Variants in DNAJA4 observed in about 807,000 individuals in gnomAD.
DNAJA4 encodes DnaJ heat shock protein family (Hsp40) member A4, also known as dnaJ homolog subfamily A member 4.
In DNAJA4, 32 loss-of-function variants were observed where a neutral mutation model predicts 39.7. The ratio of observed to expected loss-of-function variants is 0.81; its 90% confidence interval spans 0.61 to 1.08. The LOEUF is 1.08. Ranked by LOEUF, DNAJA4 falls within the 50% of genes least tolerant of loss-of-function variation. The pLI is 0.00. For missense variants in DNAJA4, 439 were observed against 505.1 expected, an observed-to-expected ratio of 0.87 and a Z score of 1.25; for synonymous variants, 184 against 182.4, an observed-to-expected ratio of 1.01 and a Z score of -0.07.
chr15:78,267,017 G>A (rs367772363), intron 1 of DNAJA4, among the ~76,000 whole-genome samples: 61 of 152,228 alleles, frequency 4.0e-4, no homozygotes, highest in African/African-American at 1.4e-3. Flanking sequence ...TTATAGAAAC[G>A]GCTGTAGAGT....
chr15:78,264,280 C>T, upstream of DNAJA4: 2 of 1,355,258 alleles, frequency 1.5e-6, no homozygotes, highest in Non-Finnish European at 1.9e-6. Context: ...GGAGGGCGCC[C>T]TCCAGGCCCA....
intron 2 of DNAJA4, among the ~76,000 whole-genome samples, chr15:78,272,818 C>T (rs769094322): frequency 2.0e-5 from 3 of 152,156 alleles, no homozygotes; most frequent in Non-Finnish European, 2.9e-5. Flanking sequence ...CAGATTTGTT[C>T]TCAGAAAATA....
chr15:78,278,537 G>T (rs1229958729), intron 5 of DNAJA4, among the ~76,000 whole-genome samples: 1 of 152,212 alleles, frequency 6.6e-6, no homozygotes, highest in African/African-American at 2.4e-5. Context: ...GTTGTAGTAC[G>T]ATGCTGAGTA....
At chr15:78,280,182 T>C (rs780201667) in intron 6 of DNAJA4, 37 bp downstream of exon 6, 2 of 1,611,400 alleles carry the variant, frequency 1.2e-6, no homozygotes, top group Non-Finnish European at 1.7e-6. Flanking sequence ...GGACATATTA[T>C]TAAATGCCTT....
Position 78,281,859 on chromosome 15 carries a change from C to T in DNAJA4, c.*1399C>T, listed in dbSNP as rs1287011524. 1 of 152,180 alleles carries T rather than the reference C, an allele frequency of 6.6e-6. No homozygotes were observed. The highest frequency in any genetic ancestry group is 1.5e-5 in the Non-Finnish European group (1 of 68,044). The allele number at this position is 152,180 out of a possible 1,614,324, so 9.4% of individuals were successfully genotyped here. ...ACCAGCTGCACGGACCAGGTTCCCGCAAAACATTGCCAGCTAGTGAGGCAT... is the reference window on the plus strand; with the variant it reads ...ACCAGCTGCACGGACCAGGTTCCCGTAAAACATTGCCAGCTAGTGAGGCAT... On this transcript the variant is annotated 3_prime_UTR_variant, in exon 7 of 7. Transcript: ENST00000394852.
At chr15:78,276,351 T>A (rs937294604) in intron 5 of DNAJA4, among the ~76,000 whole-genome samples, 3 of 152,216 alleles carry the variant, frequency 2.0e-5, no homozygotes, top group African/African-American at 7.2e-5. Context: ...ATTGCTGGTC[T>A]GCACACACCC....
intron 2 of DNAJA4, among the ~76,000 whole-genome samples, 184 bp from the exon 3 acceptor site, chr15:78,272,911 G>T (rs1181553469): frequency 6.6e-6 from 1 of 152,204 alleles, no homozygotes; most frequent in Non-Finnish European, 1.5e-5. Context: ...TCTTGTTATT[G>T]GCTGAGGGCC....
Position 78,274,200 on chromosome 15 carries a change from T to C in DNAJA4, c.422T>C (p.Val141Ala). Residue 141 changes from valine (V) to alanine (A), a missense_variant, in exon 4 of 7, where the codon GTT (valine) becomes GCT (alanine). Val to Ala is a moderately conservative substitution (Grantham distance 64, BLOSUM62 0). Coordinates refer to ENST00000394852, the MANE Select transcript of DNAJA4 (RefSeq NM_001130182.2). ...KNVICEKCEG[V>A]GGKKGSVEKC... ...CCTGCCTCCCCTGACCCTGCAGGTGTTGGTGGGAAGAAGGGATCGGTGGAG... is the reference window on the plus strand; with the variant it reads ...CCTGCCTCCCCTGACCCTGCAGGTGCTGGTGGGAAGAAGGGATCGGTGGAG... 1.2e-6 allele frequency: 2 copies of C among 1,613,040 alleles called. No homozygotes were observed. The highest frequency in any genetic ancestry group is 1.7e-6 in the Non-Finnish European group (2 of 1,179,304).
chr15:78,275,434 A>G lies in DNAJA4; in HGVS notation c.647-64A>G, dbSNP rs1249687896. On this transcript the variant is annotated intron_variant, in intron 4 of 6. Coordinates refer to ENST00000394852, the MANE Select transcript of DNAJA4 (RefSeq NM_001130182.2). Reference sequence around the variant, plus strand: ...CCTGAAGGACTCTGTTCCTTCTTCAAAAGCTTTAAGGAAGCATGGTTTGTA... The same window carrying G: ...CCTGAAGGACTCTGTTCCTTCTTCAGAAGCTTTAAGGAAGCATGGTTTGTA... The G allele has an allele frequency of 2.9e-6, 4 of 1,372,900 alleles. No homozygotes were observed. In the South Asian group the frequency reaches 3.7e-5, roughly 13 times the overall value. The allele number at this position is 1,372,900 out of a possible 1,614,324, so 85.0% of individuals were successfully genotyped here.
intron 3 of DNAJA4, 69 bp from the exon 4 acceptor site, chr15:78,274,128 A>T: frequency 6.7e-7 from 1 of 1,483,824 alleles, no homozygotes; most frequent in Non-Finnish European, 9.2e-7. Flanking sequence ...CCCTTCTGCC[A>T]TGGCGCCCAG....
intron 2 of DNAJA4, among the ~76,000 whole-genome samples, chr15:78,272,292 G>T (rs1056753529): frequency 7.2e-5 from 11 of 152,110 alleles, no homozygotes; most frequent in Non-Finnish European, 1.6e-4. Flanking sequence ...AGCCAAGATC[G>T]CACCACTGCA....
rs765623535 is a variant in DNAJA4, at chr15:78,274,539, G to A, written c.646+115G>A. On this transcript the variant is annotated intron_variant, in intron 4 of 6. Transcript: ENST00000394852. Reference sequence around the variant, plus strand: ...TGAGCTGTATCACAACATGTATTGGGTGTGCCATGAATTCCTCTTGTTTCC... The same window carrying A: ...TGAGCTGTATCACAACATGTATTGGATGTGCCATGAATTCCTCTTGTTTCC... 10 of 888,808 alleles carry A rather than the reference G, an allele frequency of 1.1e-5. No individual in the cohort carries two copies. In the African/African-American group the frequency reaches 1.2e-4, roughly 10 times the overall value. The allele number at this position is 888,808 out of a possible 1,614,324, so 55.1% of individuals were successfully genotyped here. A position where few individuals can be genotyped will look rare whatever the true frequency, so the allele number is the denominator to read the frequency against.
rs753575746 is a variant in DNAJA4, at chr15:78,280,332, A to G, written c.1066A>G (p.Thr356Ala). ...CCCTCCTCGACAGAAAGTGAGGATT[A>G]CAGATGACATGGATCAGGTGGAGCT... Reference protein sequence around the residue: ...LLPPRQKVRITDDMDQVELKE... With the variant: ...LLPPRQKVRIADDMDQVELKE... The change falls in exon 7 of 7, where the codon ACA becomes GCA. Residue 356 changes from threonine (T) to alanine (A), a missense_variant. Thr to Ala is a moderately conservative substitution (Grantham distance 58, BLOSUM62 0). Coordinates refer to ENST00000394852, the MANE Select transcript of DNAJA4 (RefSeq NM_001130182.2). 6.2e-7 allele frequency: 1 copy of G among 1,614,242 alleles called. No homozygotes were observed. Among genetic ancestry groups the G allele is most frequent in the Admixed American group, 1.7e-5 (1 of 60,036 alleles).
intron 1 of DNAJA4, 99 bp downstream of exon 1, chr15:78,264,994 G>T (rs2049081395): frequency 4.4e-6 from 6 of 1,350,014 alleles, no homozygotes; most frequent in Non-Finnish European, 5.9e-6. Context: ...CGCGTTTGTT[G>T]GGGAGGCTGT....
chr15:78,279,821 T>C lies in DNAJA4; in HGVS notation c.878-224T>C. 1.7e-6 allele frequency: 1 copy of C among 590,074 alleles called. No individual in the cohort carries two copies. Among genetic ancestry groups the C allele is most frequent in the South Asian group, 2.0e-5 (1 of 49,232 alleles). The allele number at this position is 590,074 out of a possible 1,614,324, so 36.6% of individuals were successfully genotyped here. On this transcript the variant is annotated intron_variant, in intron 5 of 6. Coordinates refer to ENST00000394852, the MANE Select transcript of DNAJA4 (RefSeq NM_001130182.2). This position sits in a 1 kb window ranked among gnomAD's most constrained non-coding sequence, Gnocchi z 4.5. ...GCACCATGCTGCCCTCTTGACACAC[T>C]GCTGGAGCCCAGAGCACAGGCCAGA...
At chr15:78,275,756 A>G (rs1346876437) in intron 5 of DNAJA4, 28 bp downstream of exon 5, 4 of 1,476,718 alleles carry the variant, frequency 2.7e-6, no homozygotes, top group African/African-American at 1.4e-5. Context: ...GTTTCCATTG[A>G]TGTTCTGTAT....
In DNAJA4 at chr15:78,280,722, T is replaced by C; in HGVS notation, c.*262T>C. 1 of 376,692 alleles carries C rather than the reference T, an allele frequency of 2.7e-6. No individual in the cohort carries two copies. Among genetic ancestry groups the C allele is most frequent in the South Asian group, 4.4e-5 (1 of 22,746 alleles). The allele number at this position is 376,692 out of a possible 1,614,324, so 23.3% of individuals were successfully genotyped here. ...TCATTTCTATTTTCAGGATATACTTTTGAGATGTCAGTGATTGCACCAATA... is the reference window on the plus strand; with the variant it reads ...TCATTTCTATTTTCAGGATATACTTCTGAGATGTCAGTGATTGCACCAATA... On this transcript the variant is annotated 3_prime_UTR_variant, in exon 7 of 7. Coordinates refer to ENST00000394852, the MANE Select transcript of DNAJA4 (RefSeq NM_001130182.2).
At chr15:78,264,255 G>A (rs1393707946), upstream of DNAJA4, 3 of 1,202,032 alleles carry the variant, frequency 2.5e-6, no homozygotes, top group Non-Finnish European at 2.2e-6. Flanking sequence ...GCCTCGGGGC[G>A]GCGGGACAGT....
In DNAJA4 at chr15:78,280,117, A is replaced by T; in HGVS notation, c.950A>T (p.Glu317Val). The change falls in exon 6 of 7, where the codon GAA becomes GTA. Residue 317 changes from glutamate to valine, a missense_variant. Coordinates refer to ENST00000394852, the MANE Select transcript of DNAJA4 (RefSeq NM_001130182.2). ...ATGCCCATCTACAAAGCACCCCTGG[A>T]AAAAGGGATTCTGATCATACAGTTT... Reference protein sequence around the residue: ...EGMPIYKAPLEKGILIIQFLV... With the variant: ...EGMPIYKAPLVKGILIIQFLV... 2 of 1,614,122 alleles carry T rather than the reference A, an allele frequency of 1.2e-6. No individual in the cohort carries two copies. Among genetic ancestry groups the T allele is most frequent in the South Asian group, 1.1e-5 (1 of 91,088 alleles).
Sources: allele counts gnomAD v4.1 joint callset (sites outside exome capture counted in the v4.1 genomes callset), GRCh38; gene constraint gnomAD v4.1.1; non-coding constraint Gnocchi (gnomAD v3.1); transcripts MANE v1.5; gene names NCBI Gene and HGNC (gene_info 2026-07-23, HGNC 2026-07-21).